PSMD14: variants seen among roughly 807,000 people sequenced by gnomAD.
PSMD14 encodes ubiquitin C-terminal hydrolase PSMD14.
PSMD14 carries 7 observed loss-of-function variants against 41.2 expected under a neutral mutation model. That is an observed-to-expected ratio of 0.17 (90% CI 0.10 to 0.32). The LOEUF is 0.32. Among genes scored for constraint, PSMD14 ranks in the 10% least tolerant of loss-of-function variants. PSMD14 has a pLI of 1.00. For missense variants in PSMD14, 139 were observed against 375.6 expected (o/e 0.37, Z 5.21); for synonymous variants, 114 against 122.3 (o/e 0.93, Z 0.45).
intron 3 of PSMD14, among the ~76,000 whole-genome samples, chr2:161,360,533 T>G (rs2105252506): frequency 6.6e-6 from 1 of 152,004 alleles, no homozygotes; most frequent in Admixed American, 6.5e-5. Flanking sequence ...TTTTGTATTT[T>G]CAGTAGAGAT....
intron 3 of PSMD14, among the ~76,000 whole-genome samples, chr2:161,362,132 C>T (rs1190790829): frequency 6.6e-6 from 1 of 152,016 alleles, no homozygotes; most frequent in African/African-American, 2.4e-5. Context: ...AGTGGTTAAC[C>T]ATGGCTCACT....
intron 4 of PSMD14, 111 bp from the exon 5 acceptor site, chr2:161,367,673 A>G: frequency 2.2e-6 from 3 of 1,337,062 alleles, no homozygotes; most frequent in Non-Finnish European, 9.7e-7. Context: ...AGGTACATTT[A>G]TAAAAGGAGT....
At chr2:161,360,895 G>A (rs916562315) in intron 3 of PSMD14, among the ~76,000 whole-genome samples, 3 of 152,144 alleles carry the variant, frequency 2.0e-5, no homozygotes, top group Admixed American at 6.6e-5. Context: ...CTTTGCCCAT[G>A]TTTCCATTAT....
chr2:161,334,653 C>A (rs556393284), intron 3 of PSMD14, among the ~76,000 whole-genome samples: 2 of 152,332 alleles, frequency 1.3e-5, no homozygotes, highest in East Asian at 3.9e-4. Flanking sequence ...CAGATGTGAC[C>A]ATGTTGATGG....
intron 11 of PSMD14, 123 bp downstream of exon 11, chr2:161,409,022 AT>A (rs1489105395): frequency 4.4e-6 from 3 of 675,222 alleles, no homozygotes; most frequent in Non-Finnish European, 7.3e-6. Context: ...TGTCATGTAA[AT>A]GTGATACTAA....
intron 3 of PSMD14, among the ~76,000 whole-genome samples, chr2:161,349,327 G>A (rs1181034000): frequency 1.3e-5 from 2 of 152,156 alleles, no homozygotes; most frequent in East Asian, 3.9e-4. Flanking sequence ...ACAGGCAAAG[G>A]ATTGCCTTTG....
At chr2:161,327,648 A>G (rs1682718676) in intron 3 of PSMD14, among the ~76,000 whole-genome samples, 2 of 152,116 alleles carry the variant, frequency 1.3e-5, no homozygotes, top group Non-Finnish European at 2.9e-5. Context: ...TCCCCAAAAG[A>G]CTACAGAAAC....
chr2:161,330,856 T>G (rs1041999032), intron 3 of PSMD14, among the ~76,000 whole-genome samples: 11 of 152,234 alleles, frequency 7.2e-5, no homozygotes, highest in Non-Finnish European at 1.3e-4. Flanking sequence ...TACTTTTCTC[T>G]TACTCATTGT....
chr2:161,359,336 C>A (rs1559046646), intron 3 of PSMD14, among the ~76,000 whole-genome samples: 1 of 152,096 alleles, frequency 6.6e-6, no homozygotes, highest in Admixed American at 6.5e-5. Context: ...ATATATGCAT[C>A]CATAATTTAA....
At chr2:161,336,069 T>G (rs962418448) in intron 3 of PSMD14, among the ~76,000 whole-genome samples, 7 of 152,246 alleles carry the variant, frequency 4.6e-5, no homozygotes, top group African/African-American at 1.7e-4. Context: ...TGCTGAATTG[T>G]GGCAGAATAG....
Position 161,367,714 on chromosome 2 carries a change from T to C in PSMD14, c.121-70T>C. 2.6e-6 allele frequency: 4 copies of C among 1,542,236 alleles called. 1 individual carries two copies. The South Asian group carries it at 4.9e-5, about 19-fold the overall frequency. ...TTTTCACTGGAACAAAATTTGGTTT[T>C]TGTTTTATAAAGAAGAACCAGAGAC... On this transcript the variant is annotated intron_variant, in intron 4 of 11. Transcript: ENST00000409682.
chr2:161,368,391 A>G (rs1683387363), intron 5 of PSMD14, among the ~76,000 whole-genome samples: 1 of 152,130 alleles, frequency 6.6e-6, no homozygotes, highest in South Asian at 2.1e-4. Context: ...TTAAAGCAAA[A>G]CAAAACAATA....
At chr2:161,353,154 A>C (rs1179789765) in intron 3 of PSMD14, among the ~76,000 whole-genome samples, 1 of 152,224 alleles carries the variant, frequency 6.6e-6, no homozygotes, top group Non-Finnish European at 1.5e-5. Context: ...AAGATACTCT[A>C]TATCATAATA....
At chr2:161,338,414 A>G (rs1034177289) in intron 3 of PSMD14, among the ~76,000 whole-genome samples, 3 of 147,262 alleles carry the variant, frequency 2.0e-5, no homozygotes, top group Non-Finnish European at 4.5e-5. Context: ...AATGAGTACT[A>G]TTTTTGCCAT....
chr2:161,367,043 C>G (rs767330538), intron 3 of PSMD14, among the ~76,000 whole-genome samples: 9 of 152,158 alleles, frequency 5.9e-5, no homozygotes, highest in Non-Finnish European at 1.3e-4. Flanking sequence ...CTTCTTTCCC[C>G]TTCTCCTCCA....
intron 10 of PSMD14, among the ~76,000 whole-genome samples, chr2:161,398,204 C>A (rs1192395272): frequency 3.3e-5 from 5 of 152,044 alleles, no homozygotes; most frequent in Non-Finnish European, 7.4e-5. Context: ...GTAATTCCCT[C>A]TGTGATTGAA....
chr2:161,353,468 T>C (rs187830016), intron 3 of PSMD14, among the ~76,000 whole-genome samples: 4 of 152,320 alleles, frequency 2.6e-5, no homozygotes, highest in South Asian at 2.1e-4. Context: ...GTTAGCTCAT[T>C]TTATTGTTTA....
chr2:161,343,935 A>C (rs1683004330), intron 3 of PSMD14, among the ~76,000 whole-genome samples: 1 of 152,188 alleles, frequency 6.6e-6, no homozygotes, highest in African/African-American at 2.4e-5. Flanking sequence ...CAACGTTTAC[A>C]TCTGTACTGA....
intron 3 of PSMD14, among the ~76,000 whole-genome samples, chr2:161,329,900 T>C (rs1418854268): frequency 6.6e-6 from 1 of 152,088 alleles, no homozygotes; most frequent in Non-Finnish European, 1.5e-5. Flanking sequence ...CTGTGAAAAA[T>C]AGGGTGTTCC....
Sources: gnomAD v4.1 joint callset for allele counts (sites outside exome capture counted in the v4.1 genomes callset) on GRCh38, gnomAD v4.1.1 for gene constraint, MANE v1.5 for transcripts, NCBI Gene and HGNC (gene_info 2026-07-23, HGNC 2026-07-21) for gene names.